Variants in PPFIA4 observed in about 807,000 individuals in gnomAD.
PPFIA4 encodes the protein liprin-alpha-4.
A neutral mutation model predicts 145.7 loss-of-function variants in PPFIA4; 98 were observed. That is an observed-to-expected ratio of 0.67 (90% CI 0.57 to 0.80). PPFIA4 has a LOEUF of 0.80. Ranked by LOEUF, PPFIA4 falls within the 30% of genes least tolerant of loss-of-function variation. The pLI is 0.00. For missense variants in PPFIA4, 1,457 were observed against 1,632.7 expected (o/e 0.89, Z 1.85); for synonymous variants, 628 against 649.6 (o/e 0.97, Z 0.51).
At chr1:203,039,273 C>T (rs779213136) in intron 2 of PPFIA4, 31 bp downstream of exon 2, 15 of 1,492,106 alleles carry the variant, frequency 1.0e-5, no homozygotes, top group Non-Finnish European at 1.2e-5. Flanking sequence ...TCTCTCTTAA[C>T]CCCTTTCCCT....
At chr1:203,067,535 C>T (rs2102686441) in intron 25 of PPFIA4, 160 bp from the exon 26 acceptor site, 6 of 633,566 alleles carry the variant, frequency 9.5e-6, no homozygotes, top group South Asian at 9.2e-5. Context: ...GGATGGGTCG[C>T]AGGCAAGGCC....
chr1:203,052,047 C>G (rs1389987049), intron 14 of PPFIA4, among the ~76,000 whole-genome samples, 170 bp downstream of exon 14: 1 of 133,788 alleles, frequency 7.5e-6, no homozygotes, highest in African/African-American at 2.9e-5. Context: ...ACAGCTGTGC[C>G]CCCCCCCCCG....
Position 203,048,663 on chromosome 1 carries a change from C to T in PPFIA4, c.1305C>T (p.Asn435=), listed in dbSNP as rs542883813. 1.4e-5 allele frequency: 22 copies of T among 1,608,434 alleles called. No individual in the cohort carries two copies. The highest frequency in any genetic ancestry group is 1.1e-4 in the East Asian group (5 of 44,626). ...TGGACCGGCTGCTCAGCGAGTCCAA[C>T]GAGCGTCTGCAGCTCCACCTGAAGG... ...DTVDRLLSES[N]ERLQLHLKER... The change falls in exon 11 of 30, where the codon AAC becomes AAT. Residue 435 remains asparagine (N), a synonymous_variant. Coordinates refer to ENST00000295706, the MANE Select transcript of PPFIA4 (RefSeq NM_001304331.2). The surrounding 1 kb of genome is among the most constrained non-coding windows in gnomAD (Gnocchi z 5.8).
chr1:203,053,018 G>A (rs749465738), intron 14 of PPFIA4, among the ~76,000 whole-genome samples: 6 of 152,210 alleles, frequency 3.9e-5, no homozygotes, highest in Admixed American at 1.3e-4. Flanking sequence ...GGCTTTACAT[G>A]TATTTTCCTC....
At chr1:203,031,838 G>A (rs1466874149) in intron 1 of PPFIA4, among the ~76,000 whole-genome samples, 1 of 152,184 alleles carries the variant, frequency 6.6e-6, no homozygotes, top group Non-Finnish European at 1.5e-5. Flanking sequence ...GATGTCTAGG[G>A]TTTTCTCTGG....
intron 2 of PPFIA4, among the ~76,000 whole-genome samples, chr1:203,041,690 G>A (rs1159606012): frequency 6.6e-6 from 1 of 152,172 alleles, no homozygotes; most frequent in Non-Finnish European, 1.5e-5. Context: ...GTGGTGGGGG[G>A]AGATAAGACA....
chr1:203,050,609 A>G (rs6427989), intron 13 of PPFIA4, among the ~76,000 whole-genome samples: 66,831 of 152,032 alleles, frequency 0.44, 15,334 homozygotes, highest in African/African-American at 0.57. Context: ...ATATCCATAT[A>G]GATATGTGTG....
At chr1:203,046,687 A>G (rs1470230014) in intron 9 of PPFIA4, among the ~76,000 whole-genome samples, 1 of 147,060 alleles carries the variant, frequency 6.8e-6, no homozygotes, top group Admixed American at 6.9e-5. Context: ...AATCCTCTAC[A>G]CCGTCGTGGT....
intron 1 of PPFIA4, among the ~76,000 whole-genome samples, chr1:203,036,142 A>G (rs1659234966): frequency 6.6e-6 from 1 of 152,132 alleles, no homozygotes; most frequent in Non-Finnish European, 1.5e-5. Flanking sequence ...TAAAAACTCC[A>G]CCCACAGGTG....
Position 203,056,360 on chromosome 1 carries a change from CCA to C in PPFIA4, c.2107-13_2107-12del. 6.2e-7 allele frequency: 1 copy of C among 1,613,218 alleles called. No individual in the cohort carries two copies. ...TCTCTCCCTCTATCCCCTGACGGCT[CCA>C]CTGTCTGTTCAGTCGCCAGTGTCTC... On this transcript the variant is annotated splice_polypyrimidine_tract_variant and intron_variant, in intron 17 of 29. Transcript: ENST00000295706.
intron 1 of PPFIA4, among the ~76,000 whole-genome samples, chr1:203,032,426 C>CTTTTTTTTTTTTTTTTT (rs67178955): frequency 3.0e-4 from 18 of 59,482 alleles, no homozygotes; most frequent in East Asian, 1.1e-3. Flanking sequence ...CCCTTCCCCG[C>CTTTTTTTTTTTTTTTTT]TTTTTTGTTG....
rs1662169255 is a variant in PPFIA4 at position 203,071,554 on chromosome 1, G to A, written c.3325-138G>A. ...TGAAGGAGCAGCTTCAAAAAGGTGTGTAAAGGCCTCTAATGGGCTAAATGC... is the reference window on the plus strand; with the variant it reads ...TGAAGGAGCAGCTTCAAAAAGGTGTATAAAGGCCTCTAATGGGCTAAATGC... On this transcript the variant is annotated intron_variant, in intron 27 of 29. Transcript: ENST00000295706. 4 of 656,428 alleles carry A rather than the reference G, an allele frequency of 6.1e-6. No homozygotes were observed. The East Asian group carries it at 1.1e-4, about 18-fold the overall frequency. The allele number at this position is 656,428 out of a possible 1,614,324, so 40.7% of individuals were successfully genotyped here. A position where few individuals can be genotyped will look rare whatever the true frequency, so the allele number is the denominator to read the frequency against.
intron 17 of PPFIA4, 62 bp downstream of exon 17, chr1:203,056,217 A>G: frequency 1.9e-6 from 3 of 1,610,886 alleles, no homozygotes; most frequent in East Asian, 2.2e-5. Context: ...CTTTCCTTTC[A>G]GCTTCCTCCC....
intron 12 of PPFIA4, 22 bp from the exon 13 acceptor site, chr1:203,049,654 C>T (rs879033469): frequency 6.7e-7 from 1 of 1,500,030 alleles, no homozygotes; most frequent in Non-Finnish European, 8.9e-7. Flanking sequence ...CTCCCGCCCC[C>T]ACCCCGGGTC....
chr1:203,048,837 G>A lies in PPFIA4; in HGVS notation c.1357-81G>A. 5.9e-6 allele frequency: 9 copies of A among 1,534,078 alleles called. No individual in the cohort carries two copies. Among genetic ancestry groups the A allele is most frequent in the Non-Finnish European group, 7.9e-6 (9 of 1,137,194 alleles). Reference sequence around the variant, plus strand: ...GTGGGTGGCCAGCCTGGAGAGGTGGGGCTGAGACTGCACACCCAGAGGCTC... The same window carrying A: ...GTGGGTGGCCAGCCTGGAGAGGTGGAGCTGAGACTGCACACCCAGAGGCTC... On this transcript the variant is annotated intron_variant, in intron 11 of 29. Coordinates refer to ENST00000295706, the MANE Select transcript of PPFIA4 (RefSeq NM_001304331.2). This position sits in a 1 kb window ranked among gnomAD's most constrained non-coding sequence, Gnocchi z 5.8.
chr1:203,077,358 C>G lies in PPFIA4; in HGVS notation c.*968C>G, dbSNP rs1455860063. On this transcript the variant is annotated 3_prime_UTR_variant, in exon 30 of 30. Coordinates refer to ENST00000295706, the MANE Select transcript of PPFIA4 (RefSeq NM_001304331.2). ...TGCTCCCAGCATCCCTTCCCCTTCT[C>G]TCCTCCTCTGCCTCACTTCTTTAGT... 1 of 152,342 alleles carries G rather than the reference C, an allele frequency of 6.6e-6. No individual in the cohort carries two copies. Among genetic ancestry groups the G allele is most frequent in the Admixed American group, 6.5e-5 (1 of 15,286 alleles). 9.4% of individuals were successfully genotyped at this position (152,342 alleles called of 1,614,324 possible).
chr1:203,075,506 C>A lies in PPFIA4; in HGVS notation c.3394-71C>A. ...CCCCTTGAACCAGCAGCGACTGGCC[C>A]CCTCCAGGCAGGGCGTGAGGATGGC... On this transcript the variant is annotated intron_variant, in intron 28 of 29. Transcript: ENST00000295706. This position sits in a 1 kb window ranked among gnomAD's most constrained non-coding sequence, Gnocchi z 4.1. The A allele has an allele frequency of 7.9e-7, 1 of 1,262,872 alleles. No homozygotes were observed. Among genetic ancestry groups the A allele is most frequent in the Non-Finnish European group, 1.0e-6 (1 of 981,828 alleles). The allele number at this position is 1,262,872 out of a possible 1,614,324, so 78.2% of individuals were successfully genotyped here.
chr1:203,043,606 A>T lies in PPFIA4; in HGVS notation c.336+108A>T. 9.8e-7 allele frequency: 1 copy of T among 1,023,922 alleles called. No individual in the cohort carries two copies. Among genetic ancestry groups the T allele is most frequent in the Non-Finnish European group, 1.5e-6 (1 of 678,566 alleles). The allele number at this position is 1,023,922 out of a possible 1,614,324, so 63.4% of individuals were successfully genotyped here. ...AGAGCAGGCAAGAGTGGGGCCAGGC[A>T]CAGTCCTAGCTCAAGCCCCATCCTT... On this transcript the variant is annotated intron_variant, in intron 3 of 29. Coordinates refer to ENST00000295706, the MANE Select transcript of PPFIA4 (RefSeq NM_001304331.2). The surrounding 1 kb of genome is among the most constrained non-coding windows in gnomAD (Gnocchi z 4.4).
intron 26 of PPFIA4, 36 bp downstream of exon 26, chr1:203,067,828 G>C (rs1661840757): frequency 1.9e-6 from 3 of 1,595,158 alleles, no homozygotes; most frequent in South Asian, 2.2e-5. Context: ...TTCGGGAGCA[G>C]CCTGCTTGGC....
Sources: allele counts gnomAD v4.1 joint callset (sites outside exome capture counted in the v4.1 genomes callset), GRCh38; gene constraint gnomAD v4.1.1; non-coding constraint Gnocchi (gnomAD v3.1); transcripts MANE v1.5; gene names NCBI Gene and HGNC (gene_info 2026-07-23, HGNC 2026-07-21).